The following TIMP2 variants were observed in gnomAD, a reference collection of about 807,000 sequenced individuals.
The protein encoded by TIMP2 is metalloproteinase inhibitor 2.
A neutral mutation model predicts 24.3 loss-of-function variants in TIMP2; 5 were observed. The ratio of observed to expected loss-of-function variants is 0.21; its 90% CI spans 0.11 to 0.43. TIMP2 has a LOEUF of 0.43. Ranked by LOEUF, TIMP2 falls within the 20% of genes least tolerant of loss-of-function variation. TIMP2 has a pLI of 1.00. For synonymous variants in TIMP2, 130 were observed against 123.2 expected (o/e 1.06, Z -0.37); for missense variants, 221 against 297.5 (o/e 0.74, Z 1.89).
chr17:78,892,244 C>A (rs1368154623), intron 1 of TIMP2: 10 of 1,550,820 alleles, frequency 6.4e-6, no homozygotes, highest in Non-Finnish European at 8.7e-6. Context: ...ATCGCCTTTG[C>A]CCCGGGCTTG....
At chr17:78,914,084 G>A (rs561613928) in intron 1 of TIMP2, among the ~76,000 whole-genome samples, 8 of 152,124 alleles carry the variant, frequency 5.3e-5, no homozygotes, top group South Asian at 4.1e-4. Context: ...CGGAAGGGAC[G>A]GCTTCCTCTG....
intron 1 of TIMP2, among the ~76,000 whole-genome samples, chr17:78,908,416 A>T (rs1165808172): frequency 6.6e-6 from 1 of 152,194 alleles, no homozygotes; most frequent in Admixed American, 6.5e-5. Flanking sequence ...ATGCCTCTAA[A>T]CTACTCAAAT....
At chr17:78,918,935 G>A (rs1691148347) in intron 1 of TIMP2, among the ~76,000 whole-genome samples, 1 of 150,924 alleles carries the variant, frequency 6.6e-6, no homozygotes, top group African/African-American at 2.5e-5. Context: ...ATCTGTGATT[G>A]CACCACTGCA....
chr17:78,891,776 C>T lies in TIMP2; in HGVS notation c.131-17857G>A, dbSNP rs958223320. On this transcript the variant is annotated intron_variant, in intron 1 of 4. Transcript: ENST00000262768. The surrounding 1 kb of genome is among the most constrained non-coding windows in gnomAD (Gnocchi z 4.5). ...TTCTAGGTCCGCCCCTTTGCTCCTCCGAGGATGGATGGCACAGCGGCCACC... is the reference window on the plus strand; with the variant it reads ...TTCTAGGTCCGCCCCTTTGCTCCTCTGAGGATGGATGGCACAGCGGCCACC... The T allele has an allele frequency of 1.4e-5, 21 of 1,551,060 alleles. No homozygotes were observed. Among genetic ancestry groups the T allele is most frequent in the East Asian group, 2.4e-5 (1 of 40,934 alleles).
chr17:78,900,486 A>G (rs9302886), intron 1 of TIMP2, among the ~76,000 whole-genome samples: 65,572 of 151,272 alleles, frequency 0.43, 14,579 homozygotes, highest in African/African-American at 0.52. Flanking sequence ...CGGAGGTTGC[A>G]GTGAGCCAAG....
At chr17:78,880,402 G>A (rs1056338805) in intron 1 of TIMP2, among the ~76,000 whole-genome samples, 2 of 152,106 alleles carry the variant, frequency 1.3e-5, no homozygotes, top group Non-Finnish European at 2.9e-5. Flanking sequence ...AAATTGCCTC[G>A]AAAGGCCGGG....
At chr17:78,860,961 G>A (rs1021959474) in intron 3 of TIMP2, among the ~76,000 whole-genome samples, 5 of 151,630 alleles carry the variant, frequency 3.3e-5, no homozygotes, top group African/African-American at 1.2e-4. Context: ...GCTTGAACCC[G>A]GGAGGTGGAA....
intron 1 of TIMP2, among the ~76,000 whole-genome samples, chr17:78,909,671 A>G (rs942845077): frequency 5.9e-5 from 9 of 152,094 alleles, no homozygotes; most frequent in African/African-American, 2.2e-4. Flanking sequence ...CTCTGTACCT[A>G]GGGTCACCGT....
chr17:78,869,958 T>C (rs2069660846), intron 3 of TIMP2, among the ~76,000 whole-genome samples: 1 of 151,768 alleles, frequency 6.6e-6, no homozygotes, highest in Non-Finnish European at 1.5e-5. Context: ...AGTAGTCAAA[T>C]CCACAGAGAC....
intron 3 of TIMP2, among the ~76,000 whole-genome samples, chr17:78,858,455 A>G (rs1191202705): frequency 1.3e-5 from 2 of 152,106 alleles, no homozygotes; most frequent in East Asian, 1.9e-4. Flanking sequence ...TCTAAAAAAA[A>G]AAAAGAAAAG....
chr17:78,892,352 C>G, intron 1 of TIMP2: 1 of 1,550,636 alleles, frequency 6.4e-7, no homozygotes, highest in Non-Finnish European at 8.7e-7. Flanking sequence ...GTCTGCGAAC[C>G]CAGCAGATAC....
chr17:78,911,548 C>T lies in TIMP2; in HGVS notation c.130+13411G>A, dbSNP rs1265844907. Among the ~76,000 whole-genome samples the T allele has an allele frequency of 3.9e-5, 6 of 152,096 alleles. No homozygotes were observed. The South Asian group carries it at 6.2e-4, about 16-fold the overall frequency. ...GTTCAAGTGATTCTCCTGCCTCAGC[C>T]TCCCGAGTAGCTGGGATTACAGGTA... On this transcript the variant is annotated intron_variant, in intron 1 of 4. Coordinates refer to ENST00000262768, the MANE Select transcript of TIMP2 (RefSeq NM_003255.5).
intron 1 of TIMP2, chr17:78,901,793 T>A (rs2070097407): frequency 1.4e-6 from 1 of 716,680 alleles, no homozygotes; most frequent in Non-Finnish European, 2.6e-6. Context: ...ACTGTGTGTG[T>A]CTCCAGATGA....
At chr17:78,888,406 C>T (rs55646445) in intron 1 of TIMP2, among the ~76,000 whole-genome samples, 5,487 of 152,028 alleles carry the variant, frequency 0.036, 132 homozygotes, top group Non-Finnish European at 0.055. Context: ...GCAATCCGCC[C>T]GCCTTGGCCT....
intron 1 of TIMP2, among the ~76,000 whole-genome samples, chr17:78,887,832 G>A (rs775571018): frequency 5.9e-5 from 9 of 151,640 alleles, no homozygotes; most frequent in South Asian, 2.1e-4. Flanking sequence ...TTTGACACCC[G>A]GTCCTTTGAT....
intron 1 of TIMP2, among the ~76,000 whole-genome samples, chr17:78,916,476 T>C (rs1171820611): frequency 6.6e-6 from 1 of 152,168 alleles, no homozygotes; most frequent in Non-Finnish European, 1.5e-5. Context: ...TCTACCCGCC[T>C]GAGCTCCTGA....
At chr17:78,892,455 C>A in intron 1 of TIMP2, 1 of 1,547,040 alleles carries the variant, frequency 6.5e-7, no homozygotes, top group Non-Finnish European at 8.7e-7. Flanking sequence ...CGTTCCACAG[C>A]AAACCTACGA....
At chr17:78,877,543 C>T (rs573819565) in intron 1 of TIMP2, among the ~76,000 whole-genome samples, 2 of 106,838 alleles carry the variant, frequency 1.9e-5, no homozygotes, top group Non-Finnish European at 4.2e-5. Flanking sequence ...AGTGAGACTC[C>T]GTCTTTTAAA....
intron 1 of TIMP2, among the ~76,000 whole-genome samples, chr17:78,893,211 ATG>A (rs1491130531): frequency 8.1e-5 from 6 of 73,892 alleles, no homozygotes; most frequent in African/African-American, 1.6e-4. Context: ...ATGTGTGTGC[ATG>A]TGTGTGCAGG....
Sources: gnomAD v4.1 joint callset for allele counts (sites outside exome capture counted in the v4.1 genomes callset) on GRCh38, gnomAD v4.1.1 for gene constraint, Gnocchi (gnomAD v3.1) non-coding constraint, MANE v1.5 for transcripts, NCBI Gene and HGNC (gene_info 2026-07-23, HGNC 2026-07-21) for gene names.